GRK4: variants seen among roughly 807,000 people sequenced by gnomAD.
GRK4 encodes the protein G protein-coupled receptor kinase 4.
In GRK4, 73 loss-of-function variants were observed where a neutral mutation model predicts 77.9. The ratio of observed to expected loss-of-function variants is 0.94; its 90% confidence interval spans 0.78 to 1.14. GRK4 has a LOEUF of 1.14. GRK4 is among the 50% of genes most tolerant of loss of function. The pLI is 0.00. For synonymous variants in GRK4, 257 were observed against 254.4 expected (o/e 1.01, Z -0.10); for missense variants, 729 against 700.2 (o/e 1.04, Z -0.46).
chr4:2,982,954 C>T (rs1402557548), intron 1 of GRK4, among the ~76,000 whole-genome samples: 1 of 152,132 alleles, frequency 6.6e-6, no homozygotes, highest in Non-Finnish European at 1.5e-5. Context: ...AAAATGTGGA[C>T]TGGATTTGAG....
Position 2,970,672 on chromosome 4 carries a change from T to A in GRK4, c.52+6550T>A, listed in dbSNP as rs552111950. ...ACTCCATCTCAAAAAAAAAAAAAAA[T>A]GTTCTTTTTTTTTGGGGGGGTCAGT... On this transcript the variant is annotated intron_variant, in intron 1 of 15. Coordinates refer to ENST00000398052, the MANE Select transcript of GRK4 (RefSeq NM_182982.3). Among the ~76,000 whole-genome samples the A allele has an allele frequency of 4.3e-4, 63 of 145,638 alleles. 1 individual carries two copies. The highest frequency in any genetic ancestry group is 3.1e-3 in the South Asian group (14 of 4,586).
chr4:2,986,953 C>A (rs1029394389), intron 2 of GRK4: 14 of 312,414 alleles, frequency 4.5e-5, no homozygotes, highest in African/African-American at 2.6e-4. Context: ...ATAACTGCTT[C>A]TTGAAGATAT....
At chr4:3,036,003 A>G (rs996546466) in intron 13 of GRK4, among the ~76,000 whole-genome samples, 1 of 150,506 alleles carries the variant, frequency 6.6e-6, no homozygotes, top group African/African-American at 2.5e-5. Context: ...CTTCTTTTCT[A>G]GAGACGGGGG....
rs190288267 is a variant in GRK4, at chr4:3,019,857, C to G, written c.932+26C>G. On this transcript the variant is annotated intron_variant, in intron 9 of 15. Coordinates refer to ENST00000398052, the MANE Select transcript of GRK4 (RefSeq NM_182982.3). The stretch of plus-strand genomic sequence containing the variant: ...GTAAGAACGGTGCTACCTAATGGAG[C>G]CTGCAAGTCTTGGAGCCGGTTTCTC... The G allele has an allele frequency of 2.3e-5, 37 of 1,579,078 alleles. No individual in the cohort carries two copies. In the East Asian group the frequency reaches 7.4e-4, roughly 32 times the overall value.
chr4:3,021,971 G>A (rs942418713), intron 9 of GRK4, among the ~76,000 whole-genome samples: 1 of 152,150 alleles, frequency 6.6e-6, no homozygotes, highest in Non-Finnish European at 1.5e-5. Flanking sequence ...AATGACCGAT[G>A]GTCCCAGTGA....
chr4:3,008,433 A>C (rs1157935063), intron 6 of GRK4, among the ~76,000 whole-genome samples: 1 of 152,162 alleles, frequency 6.6e-6, no homozygotes, highest in Non-Finnish European at 1.5e-5. Flanking sequence ...TCCTTGGACC[A>C]TTGCTAGGAT....
chr4:2,989,596 C>T (rs1053609645), intron 3 of GRK4, among the ~76,000 whole-genome samples: 4 of 152,064 alleles, frequency 2.6e-5, no homozygotes, highest in African/African-American at 7.2e-5. Context: ...CCACTGTGCC[C>T]GGCTCTAAGA....
chr4:2,990,246 C>CTTTTTTTT (rs71644371), intron 3 of GRK4, among the ~76,000 whole-genome samples: 40 of 70,738 alleles, frequency 5.7e-4, no homozygotes, highest in Non-Finnish European at 8.1e-4. Context: ...TCTTCTTCTT[C>CTTTTTTTT]TTTTTTTTTT....
chr4:3,037,046 T>TGTGTGTGG (rs1740866088), intron 13 of GRK4, among the ~76,000 whole-genome samples: 1 of 92,574 alleles, frequency 1.1e-5, no homozygotes, highest in South Asian at 4.3e-4. Context: ...TCAGGAGGGG[T>TGTGTGTGG]GTGTGTGTGT....
At chr4:2,977,844 C>G (rs1307584269) in intron 1 of GRK4, among the ~76,000 whole-genome samples, 1 of 152,234 alleles carries the variant, frequency 6.6e-6, no homozygotes, top group Non-Finnish European at 1.5e-5. Flanking sequence ...CCCCTCCCCA[C>G]AGGGGACTGG....
chr4:2,993,762 A>G (rs1213246488), intron 4 of GRK4, among the ~76,000 whole-genome samples: 1 of 152,228 alleles, frequency 6.6e-6, no homozygotes, highest in Non-Finnish European at 1.5e-5. Flanking sequence ...TGAGGTAGAT[A>G]CTATTCTCAA....
intron 1 of GRK4, among the ~76,000 whole-genome samples, chr4:2,976,847 C>G (rs1721356407): frequency 6.6e-6 from 1 of 152,124 alleles, no homozygotes; most frequent in African/African-American, 2.4e-5. Context: ...CCATGTTGGT[C>G]AGGCTGGTCT....
intron 10 of GRK4, among the ~76,000 whole-genome samples, chr4:3,023,677 G>A (rs1037154936): frequency 7.2e-5 from 11 of 152,222 alleles, no homozygotes; most frequent in Non-Finnish European, 1.2e-4. Flanking sequence ...CATTCCTGGT[G>A]CTGTGCTGCT....
intron 1 of GRK4, among the ~76,000 whole-genome samples, chr4:2,970,179 G>T (rs1432986117): frequency 2.0e-5 from 3 of 152,148 alleles, no homozygotes; most frequent in Non-Finnish European, 4.4e-5. Flanking sequence ...GCTAATTTGG[G>T]ATGCTATCAA....
At chr4:2,992,189 T>G in intron 3 of GRK4, 26 bp from the exon 4 acceptor site, 1 of 1,564,566 alleles carries the variant, frequency 6.4e-7, no homozygotes, top group Admixed American at 1.7e-5. Context: ...TAACTGTTCT[T>G]TCTTTTCTTC....
intron 1 of GRK4, chr4:2,969,230 G>A (rs1366678598): frequency 1.3e-5 from 2 of 152,154 alleles, no homozygotes; most frequent in Non-Finnish European, 2.9e-5. Context: ...CCCTAGCTGA[G>A]GAAATTAAAA....
chr4:3,037,886 C>T (rs1479511977), intron 14 of GRK4, among the ~76,000 whole-genome samples: 2 of 151,236 alleles, frequency 1.3e-5, no homozygotes, highest in Non-Finnish European at 2.9e-5. Context: ...CTGTACTCCA[C>T]CTTGGGCGAC....
intron 12 of GRK4, among the ~76,000 whole-genome samples, chr4:3,029,951 T>C (rs954709538): frequency 6.6e-6 from 1 of 152,256 alleles, no homozygotes; most frequent in African/African-American, 2.4e-5. Flanking sequence ...GTTTGATTTC[T>C]CAAATAATGC....
intron 1 of GRK4, among the ~76,000 whole-genome samples, chr4:2,970,129 A>G (rs905097223): frequency 6.6e-6 from 1 of 152,220 alleles, no homozygotes; most frequent in African/African-American, 2.4e-5. Context: ...ATTTTCCCTA[A>G]GCAATAATGT....
Sources: allele counts gnomAD v4.1 joint callset (sites outside exome capture counted in the v4.1 genomes callset), GRCh38; gene constraint gnomAD v4.1.1; transcripts MANE v1.5; gene names NCBI Gene and HGNC (gene_info 2026-07-23, HGNC 2026-07-21).